Variants in ACKR2 observed in about 807,000 individuals in gnomAD.
The protein encoded by ACKR2 is C-C chemokine receptor D6.
For missense variants in ACKR2, 457 were observed against 477.3 expected (o/e 0.96, Z 0.40); for synonymous variants, 207 against 192.2 (o/e 1.08, Z -0.64).
At chr3:42,814,201 C>T (rs1700726238) in intron 1 of ACKR2, among the ~76,000 whole-genome samples, 1 of 152,198 alleles carries the variant, frequency 6.6e-6, no homozygotes, top group African/African-American at 2.4e-5. Context: ...GACACACTTA[C>T]ATCTTTCATA....
intron 2 of ACKR2, among the ~76,000 whole-genome samples, chr3:42,842,009 C>T (rs367888251): frequency 5.4e-5 from 8 of 147,584 alleles, no homozygotes; most frequent in African/African-American, 2.2e-4. Flanking sequence ...CTCAGTTCCT[C>T]ATTTGTAAAA....
chr3:42,825,588 T>C (rs1575377727), intron 2 of ACKR2, among the ~76,000 whole-genome samples: 1 of 151,112 alleles, frequency 6.6e-6, no homozygotes, highest in East Asian at 1.9e-4. Flanking sequence ...TGTGTGTGTG[T>C]GTGTGTGTGT....
In ACKR2 at chr3:42,864,946, T is replaced by C; in HGVS notation, c.444T>C (p.His148=). The C allele has an allele frequency of 6.2e-7, 1 of 1,614,188 alleles. No homozygotes were observed. The highest frequency in any genetic ancestry group is 1.1e-5 in the South Asian group (1 of 91,078). The part of the protein sequence containing the change: ...MSLDKYLEIV[H]AQPYHRLRTR... ...TGGACAAGTACCTGGAGATCGTTCA[T>C]GCTCAGCCCTACCACAGGCTGAGGA... Residue 148 remains histidine, a synonymous_variant, in exon 3 of 3, where the codon CAT becomes CAC. Coordinates refer to ENST00000422265, the MANE Select transcript of ACKR2 (RefSeq NM_001296.5).
intron 2 of ACKR2, among the ~76,000 whole-genome samples, chr3:42,859,027 GAAA>G (rs1445550092): frequency 1.3e-5 from 2 of 152,108 alleles, no homozygotes; most frequent in Non-Finnish European, 2.9e-5. Flanking sequence ...GAGACTATGT[GAAA>G]AGACCAAGCC....
chr3:42,818,637 C>T (rs1050193875), intron 1 of ACKR2, among the ~76,000 whole-genome samples: 1 of 152,200 alleles, frequency 6.6e-6, no homozygotes, highest in African/African-American at 2.4e-5. Flanking sequence ...TCTCGGCTCA[C>T]TGCAACCTCC....
At chr3:42,825,104 G>C (rs1489256541) in intron 2 of ACKR2, among the ~76,000 whole-genome samples, 1 of 152,116 alleles carries the variant, frequency 6.6e-6, no homozygotes, top group Non-Finnish European at 1.5e-5. Context: ...ACACAGTCTT[G>C]ATTACTGTGA....
At chr3:42,846,504 G>T (rs1191778990) in intron 2 of ACKR2, among the ~76,000 whole-genome samples, 1 of 152,218 alleles carries the variant, frequency 6.6e-6, no homozygotes, top group African/African-American at 2.4e-5. Context: ...ACCCGAGGGT[G>T]CATCCAGCTG....
chr3:42,851,194 G>T (rs1036250045), intron 2 of ACKR2: 1 of 178,460 alleles, frequency 5.6e-6, no homozygotes, highest in Non-Finnish European at 1.1e-5. Context: ...TTATGGGGTG[G>T]GAGTCATCTG....
intron 2 of ACKR2, among the ~76,000 whole-genome samples, chr3:42,858,919 G>T (rs1361280606): frequency 6.6e-6 from 1 of 151,706 alleles, no homozygotes; most frequent in Non-Finnish European, 1.5e-5. Context: ...CAGAAGAAAG[G>T]ATATCAGAGA....
chr3:42,854,522 T>C (rs1174970342), intron 2 of ACKR2, among the ~76,000 whole-genome samples: 1 of 152,168 alleles, frequency 6.6e-6, no homozygotes, highest in Non-Finnish European at 1.5e-5. Flanking sequence ...CCACCTCACG[T>C]TGTGAGGGCC....
intron 2 of ACKR2, chr3:42,856,445 C>T (rs751280694): frequency 4.6e-5 from 32 of 700,002 alleles, no homozygotes; most frequent in East Asian, 3.5e-4. Flanking sequence ...ACTGAGGACC[C>T]GAGTCAACAT....
rs148106284 is a variant in ACKR2, at chr3:42,820,648, C to T, written c.-38+937C>T. 3.3e-5 allele frequency among the ~76,000 whole-genome samples: 5 copies of T among 149,714 alleles called. No homozygotes were observed. The East Asian group carries it at 7.9e-4, about 24-fold the overall frequency. On this transcript the variant is annotated intron_variant, in intron 2 of 2. Transcript: ENST00000422265. Reference sequence around the variant, plus strand: ...GCCCAACCCAACAGTCAAATGTTAGCCACCAATGTCCTTGTGTTACCCTGC... The same window carrying T: ...GCCCAACCCAACAGTCAAATGTTAGTCACCAATGTCCTTGTGTTACCCTGC...
At chr3:42,839,935 G>A (rs1298156852) in intron 2 of ACKR2, among the ~76,000 whole-genome samples, 4 of 152,156 alleles carry the variant, frequency 2.6e-5, no homozygotes, top group Non-Finnish European at 5.9e-5. Flanking sequence ...AGCTAATTTT[G>A]GGTGTGGGTG....
At chr3:42,821,715 T>G (rs1700810983) in intron 2 of ACKR2, among the ~76,000 whole-genome samples, 1 of 152,032 alleles carries the variant, frequency 6.6e-6, no homozygotes, top group Non-Finnish European at 1.5e-5. Context: ...GTTTTTTTTT[T>G]AGAGAGAGTC....
intron 2 of ACKR2, among the ~76,000 whole-genome samples, chr3:42,825,592 T>C (rs1164881935): frequency 6.6e-6 from 1 of 151,288 alleles, no homozygotes. Context: ...TGTGTGTGTG[T>C]GTGTGTGTGC....
intron 1 of ACKR2, among the ~76,000 whole-genome samples, chr3:42,813,405 A>G (rs541856771): frequency 6.6e-6 from 1 of 152,230 alleles, no homozygotes. Flanking sequence ...ATTGACTCAC[A>G]GTTCTGCAAG....
In ACKR2 at chr3:42,830,180, G is replaced by C. The variant is rs566556430; in HGVS notation, c.-38+10469G>C. 5.6e-3 allele frequency among the ~76,000 whole-genome samples: 854 copies of C among 152,332 alleles called. 7 individuals are homozygous for C. The highest frequency in any genetic ancestry group is 0.01 in the Middle Eastern group (3 of 294). On this transcript the variant is annotated intron_variant, in intron 2 of 2. Coordinates refer to ENST00000422265, the MANE Select transcript of ACKR2 (RefSeq NM_001296.5). Reference sequence around the variant, plus strand: ...CTCCAATGACCATGTGGCAATCATAGAGGGGGTCTTAGATAGTATTCCTGT... The same window carrying C: ...CTCCAATGACCATGTGGCAATCATACAGGGGGTCTTAGATAGTATTCCTGT...
At chr3:42,856,433 C>G (rs2088322215) in intron 2 of ACKR2, 1 of 701,870 alleles carries the variant, frequency 1.4e-6, no homozygotes, top group Admixed American at 2.0e-5. Context: ...TACTTTGGGT[C>G]AACTGAGGAC....
chr3:42,857,640 C>T (rs960936617), intron 2 of ACKR2, among the ~76,000 whole-genome samples: 6 of 152,168 alleles, frequency 3.9e-5, no homozygotes, highest in African/African-American at 1.4e-4. Flanking sequence ...ATGGATCACA[C>T]CTTTCTGCTG....
Sources: allele counts gnomAD v4.1 joint callset (sites outside exome capture counted in the v4.1 genomes callset), GRCh38; gene constraint gnomAD v4.1.1; transcripts MANE v1.5; gene names NCBI Gene and HGNC (gene_info 2026-07-23, HGNC 2026-07-21).